Variants in MBD5 observed in about 807,000 individuals in gnomAD.
The protein encoded by MBD5 is methyl-CpG binding domain protein 5.
Under a neutral mutation model 117.3 loss-of-function variants are expected in MBD5, and 13 were observed. The ratio of observed to expected loss-of-function variants is 0.11; its 90% CI spans 0.07 to 0.18. The LOEUF (loss-of-function observed/expected upper bound fraction) is 0.18, where lower values mean the gene tolerates loss of function less well. Ranked by LOEUF, MBD5 falls within the 10% of genes least tolerant of loss-of-function variation. MBD5 has a pLI of 1.00. For synonymous variants in MBD5, 727 were observed against 766.4 expected, an observed-to-expected ratio of 0.95 and a Z score of 0.85; for missense variants, 1,879 against 2,093.8, an observed-to-expected ratio of 0.90 and a Z score of 2.00.
At chr2:148,124,434 C>T (rs564699407) in intron 1 of MBD5, among the ~76,000 whole-genome samples, 41 of 152,152 alleles carry the variant, frequency 2.7e-4, no homozygotes, top group South Asian at 1.0e-3. Flanking sequence ...AAAAGTTAGC[C>T]GGGCATGGTA....
rs527908598 is a variant in MBD5 at position 148,236,015 on chromosome 2, T to C, written c.-680+2620T>C. 6.8e-4 allele frequency among the ~76,000 whole-genome samples: 104 copies of C among 152,130 alleles called. 1 individual carries two copies. Among genetic ancestry groups the C allele is most frequent in the Non-Finnish European group, 1.0e-3 (70 of 67,994 alleles). On this transcript the variant is annotated intron_variant, in intron 3 of 13. Transcript: ENST00000642680. Reference sequence around the variant, plus strand: ...GGTTTTGCCATGTTGCCCAGGCTGGTCTTGAACTCCTGGGCTCAAGCGATC... The same window carrying C: ...GGTTTTGCCATGTTGCCCAGGCTGGCCTTGAACTCCTGGGCTCAAGCGATC...
At chr2:148,274,715 G>T (rs1343676961) in intron 3 of MBD5, among the ~76,000 whole-genome samples, 1 of 138,158 alleles carries the variant, frequency 7.2e-6, no homozygotes. Flanking sequence ...AAAATTAATT[G>T]AGTTTTTTTG....
chr2:148,287,189 CTTTA>C (rs994576356), intron 3 of MBD5, among the ~76,000 whole-genome samples: 4 of 152,116 alleles, frequency 2.6e-5, no homozygotes, highest in Admixed American at 6.5e-5. Flanking sequence ...CTCTTACTGG[CTTTA>C]TTTGTGATGT....
At chr2:148,449,057 C>T (rs916569958) in intron 4 of MBD5, among the ~76,000 whole-genome samples, 42 of 152,132 alleles carry the variant, frequency 2.8e-4, no homozygotes, top group Non-Finnish European at 1.2e-4. Flanking sequence ...GTGAGTTTAT[C>T]GTTTTGTTCA....
intron 1 of MBD5, among the ~76,000 whole-genome samples, chr2:148,087,908 T>C (rs1161437967): frequency 6.6e-6 from 1 of 152,040 alleles, no homozygotes; most frequent in East Asian, 1.9e-4. Flanking sequence ...AGGTTGACTA[T>C]TAAGCTATTC....
intron 1 of MBD5, among the ~76,000 whole-genome samples, chr2:148,129,216 C>G (rs1275595611): frequency 6.6e-6 from 1 of 151,932 alleles, no homozygotes; most frequent in African/African-American, 2.4e-5. Context: ...TGACCCAGAC[C>G]GGGTGCTGTG....
chr2:148,382,386 A>G (rs1704179143), intron 4 of MBD5, among the ~76,000 whole-genome samples: 1 of 152,236 alleles, frequency 6.6e-6, no homozygotes, highest in Admixed American at 6.5e-5. Context: ...AAAGGGATCA[A>G]TTCAACAAGA....
intron 1 of MBD5, among the ~76,000 whole-genome samples, chr2:148,051,494 G>T (rs56986186): frequency 0.037 from 5,546 of 148,930 alleles, 335 homozygotes; most frequent in African/African-American, 0.13. Flanking sequence ...TCCTTTTCTT[G>T]TTCCTGATTA....
chr2:148,387,634 G>A (rs1000026582), intron 4 of MBD5, among the ~76,000 whole-genome samples: 5 of 151,850 alleles, frequency 3.3e-5, no homozygotes, highest in African/African-American at 1.2e-4. Context: ...ATTATTAGAT[G>A]TAATAAATAA....
At chr2:148,314,264 A>G (rs1434031126) in intron 3 of MBD5, among the ~76,000 whole-genome samples, 2 of 151,994 alleles carry the variant, frequency 1.3e-5, no homozygotes, top group Non-Finnish European at 2.9e-5. Flanking sequence ...CATGTGGCAA[A>G]AGGAAATTTT....
chr2:148,042,485 A>G lies in MBD5; in HGVS notation c.-925+20801A>G, dbSNP rs1276574259. 3.9e-5 allele frequency among the ~76,000 whole-genome samples: 6 copies of G among 152,034 alleles called. No homozygotes were observed. In the East Asian group the frequency reaches 9.6e-4, roughly 24 times the overall value. On this transcript the variant is annotated intron_variant, in intron 1 of 13. Transcript: ENST00000642680. ...CTTTTTTTTTTTAATGGCCTTGGTTACATAAAGATATTTAGACCAGCTTTC... is the reference window on the plus strand; with the variant it reads ...CTTTTTTTTTTTAATGGCCTTGGTTGCATAAAGATATTTAGACCAGCTTTC...
At chr2:148,029,223 T>G (rs1693976026) in intron 1 of MBD5, among the ~76,000 whole-genome samples, 1 of 151,980 alleles carries the variant, frequency 6.6e-6, no homozygotes, top group South Asian at 2.1e-4. Flanking sequence ...AGTATAAAAT[T>G]AAGCTTTTTT....
chr2:148,485,596 G>A, intron 9 of MBD5, 146 bp from the exon 10 acceptor site: 1 of 665,358 alleles, frequency 1.5e-6, no homozygotes. Context: ...TTACCACTTA[G>A]TAAGACTTTG....
chr2:148,172,101 C>T (rs963258057), intron 1 of MBD5, among the ~76,000 whole-genome samples: 3 of 152,228 alleles, frequency 2.0e-5, no homozygotes, highest in Non-Finnish European at 4.4e-5. Context: ...TCCACAATGG[C>T]CTGTCTGGAA....
rs1004205448 is a variant in MBD5 at position 148,404,211 on chromosome 2, A to T, written c.-556-53992A>T. Among the ~76,000 whole-genome samples, 3 of 151,302 alleles carry T rather than the reference A, an allele frequency of 2.0e-5. No homozygotes were observed. The East Asian group carries it at 5.8e-4, about 29-fold the overall frequency. On this transcript the variant is annotated intron_variant, in intron 4 of 13. Transcript: ENST00000642680. ...CTATGTTCTGGGATGCAGTTAAATT[A>T]CTTAGAAAAAAACATTTGATCTTTT...
intron 4 of MBD5, among the ~76,000 whole-genome samples, chr2:148,436,093 C>T (rs1293852753): frequency 6.6e-6 from 1 of 152,116 alleles, no homozygotes; most frequent in Admixed American, 6.5e-5. Context: ...TATAGACCAG[C>T]AATGTTTCTG....
chr2:148,363,873 G>T (rs1703616749), intron 4 of MBD5, among the ~76,000 whole-genome samples: 1 of 152,176 alleles, frequency 6.6e-6, no homozygotes, highest in Non-Finnish European at 1.5e-5. Context: ...TGTTTGATTG[G>T]TGTACCTGAA....
intron 4 of MBD5, among the ~76,000 whole-genome samples, chr2:148,425,647 G>A (rs1705755645): frequency 6.6e-6 from 1 of 152,258 alleles, no homozygotes; most frequent in Non-Finnish European, 1.5e-5. Context: ...GTAAAATACT[G>A]GCAAACCAAA....
chr2:148,405,906 C>T (rs1054308889), intron 4 of MBD5, among the ~76,000 whole-genome samples: 11 of 152,096 alleles, frequency 7.2e-5, no homozygotes, highest in African/African-American at 2.7e-4. Flanking sequence ...ATTGCTTGAG[C>T]CCAGGAGTTC....
Sources: allele counts gnomAD v4.1 joint callset (sites outside exome capture counted in the v4.1 genomes callset), GRCh38; gene constraint gnomAD v4.1.1; transcripts MANE v1.5; gene names NCBI Gene and HGNC (gene_info 2026-07-23, HGNC 2026-07-21).